SELENOS: variants seen among roughly 807,000 people sequenced by gnomAD.
SELENOS encodes the protein selenoprotein S.
A neutral mutation model predicts 30.2 loss-of-function variants in SELENOS; 37 were observed. That is an observed-to-expected ratio of 1.23 (90% CI 0.94 to 1.61). The LOEUF (loss-of-function observed/expected upper bound fraction) is 1.61, where lower values mean the gene tolerates loss of function less well. SELENOS is among the 40% of genes most tolerant of loss of function. The probability of loss-of-function intolerance (pLI) is 0.00; values close to 1 mark genes in which losing one functional copy is unlikely to be tolerated. For missense variants in SELENOS, 289 were observed against 231.8 expected, an observed-to-expected ratio of 1.25 and a Z score of -1.60; for synonymous variants, 119 against 91.6, an observed-to-expected ratio of 1.30 and a Z score of -1.71.
rs118163670 is a variant in SELENOS at position 101,273,031 on chromosome 15, T to A, written c.485-175A>T. Among the ~76,000 whole-genome samples, 58 of 152,230 alleles carry A rather than the reference T, an allele frequency of 3.8e-4. 2 individuals carry two copies. The East Asian group carries it at 0.011, about 29-fold the overall frequency. ...GTGAAAAAAAAAAAAACCTTTATAT[T>A]GTGATTGCCATTTGAACTGATTGTC... On this transcript the variant is annotated intron_variant, in intron 5 of 5. Transcript: ENST00000526049.
rs1327321108 is a variant in SELENOS, at chr15:101,274,463, A to G, written c.441T>C (p.Ser147=). 6.2e-7 allele frequency: 1 copy of G among 1,609,822 alleles called. No homozygotes were observed. Among genetic ancestry groups the G allele is most frequent in the African/African-American group, 1.3e-5 (1 of 75,036 alleles). Reference sequence around the variant, plus strand: ...TTCTGTCCGATTTCCGTTTCAGGACAGATGAAGTGGAAGGCCCAGGACTGT... The same window carrying G: ...TTCTGTCCGATTTCCGTTTCAGGACGGATGAAGTGGAAGGCCCAGGACTGT... ...EEDSPGPSTS[S]VLKRKSDRKP... is the part of the protein sequence containing the mutation. Residue 147 remains serine, a synonymous_variant, in exon 5 of 6, where the codon TCT becomes TCC. Transcript: ENST00000526049.
At position 101,275,457 on chromosome 15, in the gene SELENOS, G is replaced by C. The variant is rs548515765; in HGVS notation, c.212-96C>G. ...ATTATTAAAAGTATAAAGAGGTATG[G>C]ATATCAGACAATGAAACAACATATT... On this transcript the variant is annotated intron_variant, in intron 2 of 5. Coordinates refer to ENST00000526049, the MANE Select transcript of SELENOS (RefSeq NM_018445.6). 1,215 of 989,808 alleles carry C rather than the reference G, an allele frequency of 1.2e-3. 20 individuals are homozygous for C. In the South Asian group the frequency reaches 0.024, roughly 20 times the overall value. 61.3% of individuals were successfully genotyped at this position (989,808 alleles called of 1,614,324 possible). A position where few individuals can be genotyped will look rare whatever the true frequency, so the allele number is the denominator to read the frequency against.
intron 1 of SELENOS, chr15:101,277,109 CA>C: frequency 3.8e-6 from 3 of 788,068 alleles, no homozygotes; most frequent in African/African-American, 1.7e-5. Context: ...GCTTGGTTCG[CA>C]AAAAAGACTT....
chr15:101,276,509 C>T, intron 2 of SELENOS, 32 bp downstream of exon 2: 2 of 1,570,344 alleles, frequency 1.3e-6, no homozygotes, highest in Non-Finnish European at 1.7e-6. Flanking sequence ...GGTGCAAAAC[C>T]ACCGCTTTCA....
chr15:101,274,480 C>T lies in SELENOS; in HGVS notation c.424G>A (p.Gly142Arg). ...AKKPQEEDSPGPSTSSVLKRK... is the reference protein window; with the variant it reads ...AKKPQEEDSPRPSTSSVLKRK... Reference sequence around the variant, plus strand: ...TTCAGGACAGATGAAGTGGAAGGCCCAGGACTGTCTTCCTCCTGTTTGAAC... The same window carrying T: ...TTCAGGACAGATGAAGTGGAAGGCCTAGGACTGTCTTCCTCCTGTTTGAAC... The change falls in exon 5 of 6, where the codon GGG (glycine) becomes AGG (arginine). Residue 142 changes from glycine (G) to arginine (R), a missense_variant. By Grantham distance (125) the Gly-to-Arg change is moderately radical. Coordinates refer to ENST00000526049, the MANE Select transcript of SELENOS (RefSeq NM_018445.6). 6.2e-7 allele frequency: 1 copy of T among 1,608,836 alleles called. No homozygotes were observed.
rs57981941 is a variant in SELENOS at position 101,276,414 on chromosome 15, A to ATTTT, written c.211+123_211+126dup. On this transcript the variant is annotated intron_variant, in intron 2 of 5. Transcript: ENST00000526049. Reference sequence around the variant, plus strand: ...CAGGTGCGTGCCGCCACTCCCGGCTATTTTTTTTTTTTTTAAATAGAGACA... The same window carrying ATTTT: ...CAGGTGCGTGCCGCCACTCCCGGCTATTTTTTTTTTTTTTTTTTAAATAGAGACA... 1.5e-4 allele frequency: 148 copies of ATTTT among 975,218 alleles called. No individual in the cohort carries two copies. The African/African-American group carries it at 2.2e-3, about 14-fold the overall frequency. 60.4% of individuals were successfully genotyped at this position (975,218 alleles called of 1,614,324 possible). A position where few individuals can be genotyped will look rare whatever the true frequency, so the allele number is the denominator to read the frequency against.
intron 5 of SELENOS, 114 bp from the exon 6 acceptor site, chr15:101,272,970 G>C: frequency 3.6e-6 from 3 of 823,742 alleles, no homozygotes; most frequent in African/African-American, 1.8e-5. Flanking sequence ...CAAAGATACA[G>C]ATCCTAAGGG....
intron 2 of SELENOS, 43 bp from the exon 3 acceptor site, chr15:101,275,404 T>C (rs746277294): frequency 5.5e-6 from 8 of 1,451,670 alleles, no homozygotes; most frequent in East Asian, 2.5e-5. Context: ...CTGTGTACAA[T>C]ATAAAATAGA....
At position 101,276,537 on chromosome 15, in the gene SELENOS, T is replaced by TA. The variant is rs1326778743; in HGVS notation, c.211+3dup. The TA allele has an allele frequency of 4.4e-5, 70 of 1,599,486 alleles. No individual in the cohort carries two copies. Among genetic ancestry groups the TA allele is most frequent in the Non-Finnish European group, 5.7e-5 (67 of 1,175,450 alleles). ...CGCTTTCATTTCGGTTATCAGGCAC[T>TA]AACCCACAGCAGCCGCAGCTCGGTC... On this transcript the variant is annotated splice_donor_region_variant and intron_variant, in intron 2 of 5. Coordinates refer to ENST00000526049, the MANE Select transcript of SELENOS (RefSeq NM_018445.6).
intron 1 of SELENOS, 182 bp downstream of exon 1, chr15:101,277,160 G>T: frequency 9.5e-7 from 1 of 1,058,032 alleles, no homozygotes; most frequent in Non-Finnish European, 1.4e-6. Flanking sequence ...GGGAAGTGCG[G>T]CTCCCGAGAA....
chr15:101,276,213 G>A (rs1263454840), intron 2 of SELENOS, among the ~76,000 whole-genome samples: 1 of 148,104 alleles, frequency 6.8e-6, no homozygotes, highest in Non-Finnish European at 1.5e-5. Flanking sequence ...GTGAGCCACC[G>A]CGCCCCACCG....
At position 101,274,525 on chromosome 15, in the gene SELENOS, G is replaced by A. The variant is rs1596465405; in HGVS notation, c.409-30C>T. ...TTGAACACACACAGTAGTGTAAGAAGCAATTAAAACATTCTACTTGGCAAT... is the reference window on the plus strand; with the variant it reads ...TTGAACACACACAGTAGTGTAAGAAACAATTAAAACATTCTACTTGGCAAT... On this transcript the variant is annotated intron_variant, in intron 4 of 5. Transcript: ENST00000526049. 6 of 1,607,218 alleles carry A rather than the reference G, an allele frequency of 3.7e-6. No individual in the cohort carries two copies. In the East Asian group the frequency reaches 1.3e-4, roughly 36 times the overall value.
intron 1 of SELENOS, 88 bp from the exon 2 acceptor site, chr15:101,276,763 C>T (rs559198254): frequency 1.0e-4 from 149 of 1,492,728 alleles, no homozygotes; most frequent in Admixed American, 5.7e-4. Flanking sequence ...AGTGTAACTC[C>T]TGCCCTCAAA....
chr15:101,274,133 G>T, intron 5 of SELENOS: 1 of 478,200 alleles, frequency 2.1e-6, no homozygotes, highest in South Asian at 2.6e-5. Flanking sequence ...CTGTGTTCCA[G>T]CTCCTTGACA....
chr15:101,276,507 A>G (rs1219591310), intron 2 of SELENOS, 34 bp downstream of exon 2: 1 of 1,569,870 alleles, frequency 6.4e-7, no homozygotes, highest in African/African-American at 1.4e-5. Context: ...GAGGTGCAAA[A>G]CCACCGCTTT....
intron 2 of SELENOS, 106 bp downstream of exon 2, chr15:101,276,435 A>T: frequency 1.5e-6 from 2 of 1,317,616 alleles, no homozygotes; most frequent in African/African-American, 1.6e-5. Context: ...TTTTAAATAG[A>T]GACAGGGTCT....
Position 101,272,760 on chromosome 15 carries a change from T to C in SELENOS, c.*11A>G, listed in dbSNP as rs1245788437. On this transcript the variant is annotated 3_prime_UTR_variant, in exon 6 of 6. Coordinates refer to ENST00000526049, the MANE Select transcript of SELENOS (RefSeq NM_018445.6). The stretch of plus-strand genomic sequence containing the variant: ...ATCTTGCTAATGTCAAAAGTGACAC[T>C]AACAAGATTCTTAGCCTCATCCGCC... 4 of 1,601,612 alleles carry C rather than the reference T, an allele frequency of 2.5e-6. No homozygotes were observed. Among genetic ancestry groups the C allele is most frequent in the South Asian group, 1.1e-5 (1 of 88,430 alleles).
rs2039321508 is a variant in SELENOS, at chr15:101,275,959, T to C, written c.211+582A>G. Among the ~76,000 whole-genome samples, 4 of 150,666 alleles carry C rather than the reference T, an allele frequency of 2.7e-5. No individual in the cohort carries two copies. In the South Asian group the frequency reaches 8.3e-4, roughly 31 times the overall value. Reference sequence around the variant, plus strand: ...AGAAAGAAAAGACAGTCTCACTCTGTTGCCCAGGCTGGAGTGCAGTGGCAC... The same window carrying C: ...AGAAAGAAAAGACAGTCTCACTCTGCTGCCCAGGCTGGAGTGCAGTGGCAC... On this transcript the variant is annotated intron_variant, in intron 2 of 5. Transcript: ENST00000526049.
In SELENOS at chr15:101,276,597, G is replaced by A; in HGVS notation, c.155C>T (p.Ser52Phe). Residue 52 changes from serine to phenylalanine, a missense_variant, in exon 2 of 6, where the codon TCC becomes TTC. Transcript: ENST00000526049. Reference sequence around the variant, plus strand: ...CTGCCTCAAGGCTCTTAGCCGGGCGGAAAGCTTCTGAAAGACCACGTAGAG... The same window carrying A: ...CTGCCTCAAGGCTCTTAGCCGGGCGAAAAGCTTCTGAAAGACCACGTAGAG... Reference protein sequence around the residue: ...ILLYVVFQKLSARLRALRQRQ... With the variant: ...ILLYVVFQKLFARLRALRQRQ... 6.2e-7 allele frequency: 1 copy of A among 1,613,806 alleles called. No individual in the cohort carries two copies. Among genetic ancestry groups the A allele is most frequent in the African/African-American group, 1.3e-5 (1 of 75,006 alleles).
Sources: allele counts gnomAD v4.1 joint callset (sites outside exome capture counted in the v4.1 genomes callset), GRCh38; gene constraint gnomAD v4.1.1; transcripts MANE v1.5; gene names NCBI Gene and HGNC (gene_info 2026-07-23, HGNC 2026-07-21).